Variants in ATP2B2 observed in about 807,000 individuals in gnomAD.
ATP2B2 encodes the protein plasma membrane calcium-transporting ATPase 2.
ATP2B2 carries 15 observed loss-of-function variants against 120.0 expected under a neutral mutation model. That is an observed-to-expected ratio of 0.12 (90% CI 0.08 to 0.19). ATP2B2 has a LOEUF of 0.19. Among genes scored for constraint, ATP2B2 ranks in the 10% least tolerant of loss-of-function variants. ATP2B2 has a pLI of 1.00. For missense variants in ATP2B2, 1,045 were observed against 1,719.8 expected (o/e 0.61, Z 6.94); for synonymous variants, 694 against 700.3 (o/e 0.99, Z 0.14).
At position 10,371,797 on chromosome 3, in the gene ATP2B2, G is replaced by C; in HGVS notation, c.1659+12C>G. The C allele has an allele frequency of 2.5e-6, 4 of 1,614,120 alleles. No individual in the cohort carries two copies. In the South Asian group the frequency reaches 3.3e-5, roughly 13 times the overall value. ...TTGCTCCAGGTGGTGGATGTGCCTG[G>C]TCCACACTTACCAGAATCTTGGTGG... On this transcript the variant is annotated intron_variant, in intron 12 of 22. Coordinates refer to ENST00000360273, the MANE Select transcript of ATP2B2 (RefSeq NM_001001331.4).
intron 2 of ATP2B2, among the ~76,000 whole-genome samples, chr3:10,616,701 C>T (rs577899375): frequency 7.4e-4 from 113 of 152,292 alleles, no homozygotes; most frequent in African/African-American, 2.6e-3. Context: ...CACACACACT[C>T]ATTGGTGGGG....
At chr3:10,563,681 T>A (rs1374624320) in intron 2 of ATP2B2, among the ~76,000 whole-genome samples, 1 of 152,244 alleles carries the variant, frequency 6.6e-6, no homozygotes, top group East Asian at 1.9e-4. Context: ...GAGCACCCAG[T>A]ACTGTGCAGC....
At chr3:10,484,428 C>G (rs1488881192) in intron 1 of ATP2B2, among the ~76,000 whole-genome samples, 3 of 152,038 alleles carry the variant, frequency 2.0e-5, no homozygotes, top group Non-Finnish European at 2.9e-5. Context: ...CTGGGGATGC[C>G]CTCAGTGTCT....
rs376282040 is a variant in ATP2B2, at chr3:10,385,335, G to C, written c.941-8C>G. 6.2e-7 allele frequency: 1 copy of C among 1,613,362 alleles called. No homozygotes were observed. Among genetic ancestry groups the C allele is most frequent in the Admixed American group, 1.7e-5 (1 of 60,020 alleles). ...CTGCCGCACCGTCTGCTGCTGCAGG[G>C]GGGTGGGAGGGATGGAAAATGCAGT... On this transcript the variant is annotated splice_polypyrimidine_tract_variant and splice_region_variant and intron_variant, in intron 7 of 22. Coordinates refer to ENST00000360273, the MANE Select transcript of ATP2B2 (RefSeq NM_001001331.4).
chr3:10,418,003 C>T (rs188493093), intron 2 of ATP2B2, among the ~76,000 whole-genome samples: 191 of 152,260 alleles, frequency 1.3e-3, no homozygotes, highest in African/African-American at 4.4e-3. Context: ...TATAGCATGC[C>T]ACATGGGGTC....
At chr3:10,410,836 G>A (rs750014720) in intron 2 of ATP2B2, 21 bp from the exon 3 acceptor site, 1 of 1,611,364 alleles carries the variant, frequency 6.2e-7, no homozygotes, top group South Asian at 1.1e-5. Context: ...AGAACAGAGA[G>A]GTTGGCTGGG....
chr3:10,687,619 G>A (rs1237582517), intron 1 of ATP2B2, among the ~76,000 whole-genome samples: 1 of 152,200 alleles, frequency 6.6e-6, no homozygotes, highest in Non-Finnish European at 1.5e-5. Flanking sequence ...CCAGCACTTT[G>A]AGAGGCTGAG....
chr3:10,333,773 C>T (rs2060044040), intron 22 of ATP2B2, among the ~76,000 whole-genome samples: 1 of 152,166 alleles, frequency 6.6e-6, no homozygotes, highest in African/African-American at 2.4e-5. Flanking sequence ...GGTGGGGAGG[C>T]CCTGGCCAAC....
intron 1 of ATP2B2, among the ~76,000 whole-genome samples, chr3:10,675,828 T>C (rs1249306870): frequency 6.6e-6 from 1 of 152,226 alleles, no homozygotes; most frequent in African/African-American, 2.4e-5. Flanking sequence ...TTGTACTGTC[T>C]GCCTGCAATG....
chr3:10,501,571 G>C (rs1037562568), intron 1 of ATP2B2, among the ~76,000 whole-genome samples: 2 of 152,074 alleles, frequency 1.3e-5, no homozygotes, highest in African/African-American at 4.8e-5. Context: ...GGGTCTTGGA[G>C]AGTGCCCTTG....
intron 12 of ATP2B2, among the ~76,000 whole-genome samples, chr3:10,362,011 C>A (rs962689586): frequency 6.6e-6 from 1 of 152,212 alleles, no homozygotes; most frequent in African/African-American, 2.4e-5. Context: ...CACCCCCCAA[C>A]CCCAATGCAC....
chr3:10,626,066 A>C (rs1379424700), intron 1 of ATP2B2: 1 of 152,220 alleles, frequency 6.6e-6, no homozygotes, highest in Non-Finnish European at 1.5e-5. Flanking sequence ...GCTCATTTGA[A>C]TAAAGATTTT....
intron 1 of ATP2B2, among the ~76,000 whole-genome samples, chr3:10,673,498 CAGAGAGAGAG>C (rs58286719): frequency 1.4e-5 from 2 of 146,214 alleles, no homozygotes; most frequent in African/African-American, 5.0e-5. Context: ...GAGAGAAAGA[CAGAGAGAGAG>C]AGAGAGAGAG....
intron 2 of ATP2B2, among the ~76,000 whole-genome samples, chr3:10,419,601 C>T (rs991960973): frequency 2.6e-5 from 4 of 152,210 alleles, no homozygotes; most frequent in Non-Finnish European, 4.4e-5. Flanking sequence ...GATCACTCAG[C>T]CTCTCCGAGG....
intron 1 of ATP2B2, among the ~76,000 whole-genome samples, chr3:10,450,445 A>G (rs1445495403): frequency 1.3e-5 from 2 of 151,240 alleles, no homozygotes; most frequent in Non-Finnish European, 2.9e-5. Flanking sequence ...CCCTCCACCC[A>G]TGCCACCTGT....
chr3:10,555,424 C>T (rs1442331649), intron 2 of ATP2B2, among the ~76,000 whole-genome samples: 3 of 152,244 alleles, frequency 2.0e-5, no homozygotes, highest in Non-Finnish European at 4.4e-5. Flanking sequence ...ATGTATCTGT[C>T]AAGGTCCAGA....
At chr3:10,517,853 G>A (rs1053649530) in intron 3 of ATP2B2, among the ~76,000 whole-genome samples, 1 of 152,238 alleles carries the variant, frequency 6.6e-6, no homozygotes, top group African/African-American at 2.4e-5. Context: ...TAGGAAGACA[G>A]ACACAGAGCT....
At chr3:10,500,260 T>C (rs2066330915) in intron 1 of ATP2B2, among the ~76,000 whole-genome samples, 1 of 152,050 alleles carries the variant, frequency 6.6e-6, no homozygotes, top group Admixed American at 6.6e-5. Flanking sequence ...ATTCTTAATG[T>C]CTCTGGGCCC....
rs2060175975 is a variant in ATP2B2 at position 10,338,119 on chromosome 3, C to T, written c.3420+57G>A. 3 of 1,607,938 alleles carry T rather than the reference C, an allele frequency of 1.9e-6. No homozygotes were observed. The East Asian group carries it at 6.7e-5, about 36-fold the overall frequency. On this transcript the variant is annotated intron_variant, in intron 22 of 22. Coordinates refer to ENST00000360273, the MANE Select transcript of ATP2B2 (RefSeq NM_001001331.4). ...GGGGGCAGCACAAGCACACTCACCT[C>T]CATCCCCTGGCCCGCCCCGGCCAGG... is the stretch of plus-strand genomic sequence containing the variant.
Sources: allele counts gnomAD v4.1 joint callset (sites outside exome capture counted in the v4.1 genomes callset), GRCh38; gene constraint gnomAD v4.1.1; transcripts MANE v1.5; gene names NCBI Gene and HGNC (gene_info 2026-07-23, HGNC 2026-07-21).